Variants in CSMD3 observed in about 807,000 individuals in gnomAD.
CSMD3 encodes the protein CUB and Sushi multiple domains 3, also known as CUB and sushi domain-containing protein 3.
CSMD3 carries 177 observed loss-of-function variants against 435.2 expected under a neutral mutation model. That is an observed-to-expected ratio of 0.41 (90% CI 0.36 to 0.46). The LOEUF (loss-of-function observed/expected upper bound fraction) is 0.46. CSMD3 is among the 20% of genes least tolerant of loss of function. The pLI, the probability that CSMD3 is intolerant of heterozygous loss-of-function variation, is 0.34. For synonymous variants in CSMD3, 1,656 were observed against 1,520.5 expected (o/e 1.09, Z -2.07); for missense variants, 4,265 against 4,504.6 (o/e 0.95, Z 1.52).
chr8:113,198,500 C>A (rs976692223), intron 3 of CSMD3, among the ~76,000 whole-genome samples: 2 of 151,160 alleles, frequency 1.3e-5, no homozygotes, highest in African/African-American at 4.8e-5. Flanking sequence ...ACTAAATTGA[C>A]AAAGAAAGTG....
At chr8:113,030,553 A>T (rs2087063446) in intron 5 of CSMD3, among the ~76,000 whole-genome samples, 1 of 151,154 alleles carries the variant, frequency 6.6e-6, no homozygotes, top group Admixed American at 6.6e-5. Flanking sequence ...ACTTAAAAGT[A>T]AATCTACGAA....
intron 59 of CSMD3, among the ~76,000 whole-genome samples, chr8:112,274,637 G>T (rs758445112): frequency 6.6e-6 from 1 of 152,054 alleles, no homozygotes; most frequent in Non-Finnish European, 1.5e-5. Context: ...GGCCAGGAAT[G>T]CCACTTGTCA....
At chr8:112,791,955 C>A (rs1338908955) in intron 13 of CSMD3, among the ~76,000 whole-genome samples, 2 of 152,092 alleles carry the variant, frequency 1.3e-5, no homozygotes, top group African/African-American at 4.8e-5. Context: ...ATTTACATTA[C>A]CTTAATAACA....
intron 13 of CSMD3, among the ~76,000 whole-genome samples, chr8:112,750,694 T>C (rs1009661720): frequency 2.0e-5 from 3 of 152,040 alleles, no homozygotes; most frequent in Non-Finnish European, 2.9e-5. Context: ...GGTGGAATAG[T>C]AGGAGACATG....
intron 32 of CSMD3, among the ~76,000 whole-genome samples, chr8:112,410,929 G>A (rs1350367900): frequency 6.6e-6 from 1 of 150,510 alleles, no homozygotes; most frequent in Non-Finnish European, 1.5e-5. Context: ...CTCTTGGCAT[G>A]TAATTTATTC....
chr8:112,575,095 G>T (rs1829836145), intron 23 of CSMD3, among the ~76,000 whole-genome samples: 1 of 151,738 alleles, frequency 6.6e-6, no homozygotes, highest in Non-Finnish European at 1.5e-5. Context: ...GTTTCAATAT[G>T]ATCTATAAAT....
rs550719576 is a variant in CSMD3, at chr8:112,757,582, G to A, written c.1972+42580C>T. 2.6e-5 allele frequency among the ~76,000 whole-genome samples: 4 copies of A among 152,056 alleles called. No individual in the cohort carries two copies. The South Asian group carries it at 8.3e-4, about 32-fold the overall frequency. On this transcript the variant is annotated intron_variant, in intron 13 of 70. Coordinates refer to ENST00000297405, the MANE Select transcript of CSMD3 (RefSeq NM_198123.2). ...TGTATCTGGCTGTCTCTTAATTTGG[G>A]GGAAAATAGTTTGCTCTGTGACCTC...
intron 12 of CSMD3, among the ~76,000 whole-genome samples, chr8:112,815,497 A>T (rs1290982950): frequency 6.6e-6 from 1 of 152,162 alleles, no homozygotes; most frequent in African/African-American, 2.4e-5. Flanking sequence ...TAAGACTCCA[A>T]TCAGGTCTTG....
At chr8:112,872,429 A>T (rs2081161805) in intron 10 of CSMD3, among the ~76,000 whole-genome samples, 1 of 152,066 alleles carries the variant, frequency 6.6e-6, no homozygotes, top group Admixed American at 6.6e-5. Context: ...TGTCGAAAGG[A>T]AAAGAATTAA....
intron 1 of CSMD3, among the ~76,000 whole-genome samples, chr8:113,355,767 C>CGG (rs1554618964): frequency 1.6e-4 from 9 of 56,620 alleles, no homozygotes; most frequent in African/African-American, 5.8e-4. Flanking sequence ...CACACACACA[C>CGG]GGGGTGTGTG....
intron 4 of CSMD3, among the ~76,000 whole-genome samples, chr8:113,128,907 T>C (rs1487070662): frequency 6.6e-6 from 1 of 152,102 alleles, no homozygotes; most frequent in Non-Finnish European, 1.5e-5. Context: ...ATATGTCAAA[T>C]TGGGTAGTAT....
chr8:112,739,026 C>T (rs1314109958), intron 13 of CSMD3, among the ~76,000 whole-genome samples: 1 of 151,480 alleles, frequency 6.6e-6, no homozygotes, highest in East Asian at 1.9e-4. Flanking sequence ...ATACTGCAAG[C>T]TTGCAAAGGT....
At chr8:112,893,339 A>G (rs1252358201) in intron 10 of CSMD3, among the ~76,000 whole-genome samples, 1 of 151,518 alleles carries the variant, frequency 6.6e-6, no homozygotes, top group African/African-American at 2.4e-5. Flanking sequence ...GTAACATTGG[A>G]ATTACCTGGT....
chr8:113,325,539 T>G (rs1302644371), intron 1 of CSMD3, among the ~76,000 whole-genome samples: 1 of 152,138 alleles, frequency 6.6e-6, no homozygotes, highest in Non-Finnish European at 1.5e-5. Context: ...AGCTCTTTCT[T>G]TTGTAAATTG....
chr8:112,377,589 A>G, intron 38 of CSMD3, among the ~76,000 whole-genome samples: 1 of 152,138 alleles, frequency 6.6e-6, no homozygotes, highest in East Asian at 1.9e-4. Context: ...GGATGCAAAA[A>G]TCCTCAACAA....
At chr8:112,926,774 T>C (rs2082924050) in intron 9 of CSMD3, among the ~76,000 whole-genome samples, 1 of 151,986 alleles carries the variant, frequency 6.6e-6, no homozygotes, top group Non-Finnish European at 1.5e-5. Context: ...GCTTGGGTCA[T>C]AGAAGAGGAT....
At chr8:112,882,365 C>A (rs777567491) in intron 10 of CSMD3, among the ~76,000 whole-genome samples, 86 of 152,036 alleles carry the variant, frequency 5.7e-4, no homozygotes, top group African/African-American at 1.9e-3. Flanking sequence ...TCATCCCTTG[C>A]CCACCCTTGA....
intron 6 of CSMD3, among the ~76,000 whole-genome samples, chr8:113,008,058 T>C (rs985800360): frequency 6.6e-6 from 1 of 151,562 alleles, no homozygotes; most frequent in African/African-American, 2.4e-5. Flanking sequence ...TGTCTAACAG[T>C]AAGTATGCAT....
intron 32 of CSMD3, among the ~76,000 whole-genome samples, chr8:112,460,459 A>G (rs1277715726): frequency 6.6e-5 from 10 of 152,020 alleles, no homozygotes; most frequent in African/African-American, 2.2e-4. Context: ...AATTCAATCT[A>G]CAGCTGAGTT....
Sources: gnomAD v4.1 joint callset for allele counts (sites outside exome capture counted in the v4.1 genomes callset) on GRCh38, gnomAD v4.1.1 for gene constraint, MANE v1.5 for transcripts, NCBI Gene and HGNC (gene_info 2026-07-23, HGNC 2026-07-21) for gene names.